ACTG2: variants seen among roughly 807,000 people sequenced by gnomAD.
The protein encoded by ACTG2 is actin gamma 2, smooth muscle, also known as actin, gamma-enteric smooth muscle.
ACTG2 carries 16 observed loss-of-function variants against 37.6 expected under a neutral mutation model. The ratio of observed to expected loss-of-function variants is 0.43; its 90% CI spans 0.29 to 0.65. The LOEUF (loss-of-function observed/expected upper bound fraction) is 0.65, where lower values mean the gene tolerates loss of function less well. Ranked by LOEUF, ACTG2 falls within the 30% of genes least tolerant of loss-of-function variation. The pLI, the probability that ACTG2 is intolerant of heterozygous loss-of-function variation, is 0.18. For synonymous variants in ACTG2, 181 were observed against 179.9 expected (o/e 1.01, Z -0.05); for missense variants, 238 against 490.9 (o/e 0.48, Z 4.87).
intron 2 of ACTG2, among the ~76,000 whole-genome samples, chr2:73,902,041 C>CTGTGTGTGTGTGTGTGTGTGTCTG (rs1679900320): frequency 1.4e-4 from 19 of 131,398 alleles, no homozygotes; most frequent in African/African-American, 5.6e-4. Flanking sequence ...GTGTGTGTGT[C>CTGTGTGTGTGTGTGTGTGTGTCTG]TGTGTGTGTG....
intron 1 of ACTG2, among the ~76,000 whole-genome samples, chr2:73,900,314 TG>T (rs1679849175): frequency 6.6e-6 from 1 of 152,214 alleles, no homozygotes; most frequent in African/African-American, 2.4e-5. Flanking sequence ...GAGGCTCTGT[TG>T]CTTCTCCTTC....
chr2:73,910,413 C>A (rs1262714251), intron 5 of ACTG2, among the ~76,000 whole-genome samples: 5 of 106,686 alleles, frequency 4.7e-5, no homozygotes, highest in Non-Finnish European at 5.3e-5. Flanking sequence ...TGTCACCAGG[C>A]TGGAGTGCAG....
At chr2:73,901,562 GTGTGTGTGTGTGTGTGTGTC>G (rs1679879398) in intron 2 of ACTG2, 125 bp downstream of exon 2, 6 of 152,036 alleles carry the variant, frequency 3.9e-5, no homozygotes, top group East Asian at 9.2e-5. Context: ...GTGTGTGTGT[GTGTGTGTGTGTGTGTGTGTC>G]TGTGCGTGTG....
At chr2:73,902,739 T>C in intron 3 of ACTG2, 2 of 1,551,014 alleles carry the variant, frequency 1.3e-6, no homozygotes, top group South Asian at 2.4e-5. Flanking sequence ...TTCTCTACAC[T>C]GCTGCAAAAC....
intron 5 of ACTG2, among the ~76,000 whole-genome samples, chr2:73,910,258 A>AT (rs1680101215): frequency 6.6e-6 from 1 of 151,468 alleles, no homozygotes; most frequent in African/African-American, 2.4e-5. Context: ...TCAATAATAA[A>AT]TTAACCTTAG....
intron 1 of ACTG2, among the ~76,000 whole-genome samples, chr2:73,895,997 T>A (rs547030552): frequency 6.6e-6 from 1 of 152,312 alleles, no homozygotes; most frequent in Non-Finnish European, 1.5e-5. Context: ...ATAATTTCCA[T>A]GGGTCATGAA....
At chr2:73,902,721 CG>C in intron 3 of ACTG2, 1 of 1,551,236 alleles carries the variant, frequency 6.4e-7, no homozygotes, top group African/African-American at 1.4e-5. Flanking sequence ...CCTCATTCAC[CG>C]AATTAATTCT....
chr2:73,908,424 G>A (rs1220034823), intron 3 of ACTG2: 1 of 582,850 alleles, frequency 1.7e-6, no homozygotes, highest in Non-Finnish European at 3.3e-6. Context: ...GAAGAGGAGG[G>A]AAGGTCAAAT....
At chr2:73,910,172 G>A (rs963814426) in intron 5 of ACTG2, among the ~76,000 whole-genome samples, 11 of 151,292 alleles carry the variant, frequency 7.3e-5, no homozygotes, top group African/African-American at 1.2e-4. Context: ...CCAAGATCAC[G>A]CCACTGCCCT....
Position 73,913,603 on chromosome 2 carries a change from C to T in ACTG2, c.570C>T (p.Leu190=), listed in dbSNP as rs1468448437. ...CTGGCCGTGACCTCACGGACTACCT[C>T]ATGAAGATCCTCACAGAGAGAGGCT... is the stretch of plus-strand genomic sequence containing the variant. The part of the protein sequence containing the change: ...DLAGRDLTDY[L]MKILTERGYS... Residue 190 remains leucine (L), a synonymous_variant, in exon 6 of 9, where the codon CTC becomes CTT. Coordinates refer to ENST00000345517, the MANE Select transcript of ACTG2 (RefSeq NM_001615.4). 3 of 1,613,888 alleles carry T rather than the reference C, an allele frequency of 1.9e-6. No homozygotes were observed. The East Asian group carries it at 6.7e-5, about 36-fold the overall frequency.
At chr2:73,915,024 A>T (rs964266640) in intron 7 of ACTG2, among the ~76,000 whole-genome samples, 153 bp downstream of exon 7, 1 of 78,692 alleles carries the variant, frequency 1.3e-5, no homozygotes, top group African/African-American at 7.4e-5. Flanking sequence ...AATGTATTTT[A>T]AAAAAAATTA....
rs61261289 is a variant in ACTG2 at position 73,904,248 on chromosome 2, C to CAA, written c.255+1783_255+1784dup. ...TGGGTGATAGAGTGAGACCATGTCTCAAAAAAAAAAAAAAAAAAAAAAAAG... is the reference window on the plus strand; with the variant it reads ...TGGGTGATAGAGTGAGACCATGTCTCAAAAAAAAAAAAAAAAAAAAAAAAAAG... On this transcript the variant is annotated intron_variant, in intron 3 of 8. Transcript: ENST00000345517. Among the ~76,000 whole-genome samples the CAA allele has an allele frequency of 7.7e-3, 502 of 64,868 alleles. 5 individuals carry two copies. The highest frequency in any genetic ancestry group is 0.015 in the Middle Eastern group (1 of 66). 42.6% of individuals were successfully genotyped at this position (64,868 alleles called of 152,430 possible).
At chr2:73,913,898 A>G (rs2104821499) in intron 6 of ACTG2, among the ~76,000 whole-genome samples, 1 of 152,300 alleles carries the variant, frequency 6.6e-6, no homozygotes, top group Non-Finnish European at 1.5e-5. Flanking sequence ...CACAGGCTGA[A>G]TGGTAGTGAA....
chr2:73,901,494 T>C (rs1679872523), intron 2 of ACTG2, 57 bp downstream of exon 2: 1 of 1,572,560 alleles, frequency 6.4e-7, no homozygotes. Flanking sequence ...AGCGCTGCAC[T>C]GTGGAGACCC....
chr2:73,900,865 G>A (rs1558621948), intron 1 of ACTG2, among the ~76,000 whole-genome samples: 1 of 151,970 alleles, frequency 6.6e-6, no homozygotes, highest in Non-Finnish European at 1.5e-5. Flanking sequence ...CTTGTATATG[G>A]CCACCTTCTC....
chr2:73,911,390 G>A (rs188041903), intron 5 of ACTG2, among the ~76,000 whole-genome samples: 3 of 152,120 alleles, frequency 2.0e-5, no homozygotes, highest in East Asian at 3.9e-4. Context: ...CCAGCTACTC[G>A]GTAGGCTGAA....
Position 73,913,170 on chromosome 2 carries a change from C to CAA in ACTG2, c.452-300_452-299dup, listed in dbSNP as rs58764001. ...GGCAACAAGAGCAAAACTCTGTCTC[C>CAA]AAAAAAAAAAAAAAAAGAATATGCA... is the stretch of plus-strand genomic sequence containing the variant. On this transcript the variant is annotated intron_variant, in intron 5 of 8. Transcript: ENST00000345517. Among the ~76,000 whole-genome samples the CAA allele has an allele frequency of 4.0e-3, 414 of 102,462 alleles. 6 individuals carry two copies. The highest frequency in any genetic ancestry group is 0.014 in the African/African-American group (381 of 26,342). The allele number at this position is 102,462 out of a possible 152,430, so 67.2% of individuals were successfully genotyped here. A position where few individuals can be genotyped will look rare whatever the true frequency, so the allele number is the denominator to read the frequency against.
Position 73,898,963 on chromosome 2 carries a change from T to G in ACTG2, c.-36-2313T>G, listed in dbSNP as rs1321601910. Among the ~76,000 whole-genome samples the G allele has an allele frequency of 9.2e-5, 14 of 151,660 alleles. No individual in the cohort carries two copies. In the East Asian group the frequency reaches 1.2e-3, roughly 13 times the overall value. The stretch of plus-strand genomic sequence containing the variant: ...GACTACAGGCGCCCGCCACCATGCC[T>G]GGGTAATTTTCTTTTTTTTTGTATT... On this transcript the variant is annotated intron_variant, in intron 1 of 8. Coordinates refer to ENST00000345517, the MANE Select transcript of ACTG2 (RefSeq NM_001615.4).
At chr2:73,903,718 G>A (rs186806411) in intron 3 of ACTG2, among the ~76,000 whole-genome samples, 3 of 152,008 alleles carry the variant, frequency 2.0e-5, no homozygotes, top group African/African-American at 4.8e-5. Context: ...GAGGCGGGTG[G>A]ATCACAAAAT....
Sources: gnomAD v4.1 joint callset for allele counts (sites outside exome capture counted in the v4.1 genomes callset) on GRCh38, gnomAD v4.1.1 for gene constraint, MANE v1.5 for transcripts, NCBI Gene and HGNC (gene_info 2026-07-23, HGNC 2026-07-21) for gene names.